Variants in ZNF410 observed in about 807,000 individuals in gnomAD.
ZNF410 encodes zinc finger protein 410, also known as another partner for ARF 1.
ZNF410 carries 18 observed loss-of-function variants against 54.8 expected under a neutral mutation model. That is an observed-to-expected ratio of 0.33 (90% CI 0.23 to 0.49). The LOEUF (loss-of-function observed/expected upper bound fraction) is 0.49, where lower values mean the gene tolerates loss of function less well. ZNF410 is among the 20% of genes least tolerant of loss of function. ZNF410 has a pLI of 0.99. For synonymous variants in ZNF410, 191 were observed against 207.3 expected (o/e 0.92, Z 0.68); for missense variants, 405 against 569.6 (o/e 0.71, Z 2.94).
At chr14:73,907,488 G>A (rs1281241274) in intron 7 of ZNF410, among the ~76,000 whole-genome samples, 3 of 152,078 alleles carry the variant, frequency 2.0e-5, no homozygotes, top group African/African-American at 4.8e-5. Context: ...CCAGTTACTC[G>A]GGAGGCTGAG....
chr14:73,927,172 A>T (rs1357434569), intron 11 of ZNF410: 4 of 258,572 alleles, frequency 1.5e-5, no homozygotes, highest in Middle Eastern at 2.8e-3. Context: ...TGCAACCTCT[A>T]CCTCCCGAAT....
intron 4 of ZNF410, among the ~76,000 whole-genome samples, chr14:73,896,979 G>A (rs1222008001): frequency 6.6e-6 from 1 of 152,124 alleles, no homozygotes; most frequent in Non-Finnish European, 1.5e-5. Flanking sequence ...AGAAAAGAAG[G>A]CAAGTCTGGG....
intron 8 of ZNF410, among the ~76,000 whole-genome samples, chr14:73,917,285 C>A (rs1347588124): frequency 6.6e-6 from 1 of 152,068 alleles, no homozygotes; most frequent in African/African-American, 2.4e-5. Context: ...TTTAAATACC[C>A]TTTAAATCAT....
At chr14:73,923,313 T>A (rs1271995623) in intron 10 of ZNF410, 82 bp from the exon 11 acceptor site, 5 of 1,468,716 alleles carry the variant, frequency 3.4e-6, no homozygotes, top group Non-Finnish European at 3.7e-6. Flanking sequence ...AGTTTTAGAG[T>A]TGTTAATGAG....
intron 8 of ZNF410, among the ~76,000 whole-genome samples, chr14:73,910,495 A>G (rs976027077): frequency 1.3e-5 from 2 of 152,026 alleles, no homozygotes; most frequent in African/African-American, 2.4e-5. Context: ...TGTAATCCCA[A>G]CACTTTGGGA....
At chr14:73,919,687 A>G (rs966868404) in intron 8 of ZNF410, among the ~76,000 whole-genome samples, 6 of 152,228 alleles carry the variant, frequency 3.9e-5, no homozygotes, top group Middle Eastern at 3.4e-3. Context: ...CGTATTTACC[A>G]TTGATGGGCA....
intron 8 of ZNF410, chr14:73,913,447 T>A (rs190887388): frequency 2.0e-5 from 3 of 152,358 alleles, no homozygotes; most frequent in East Asian, 3.9e-4. Context: ...CTCCTTTCCC[T>A]GGCTTCTTAA....
intron 5 of ZNF410, among the ~76,000 whole-genome samples, chr14:73,901,155 A>G (rs1295019942): frequency 2.0e-5 from 3 of 152,254 alleles, no homozygotes; most frequent in Non-Finnish European, 4.4e-5. Context: ...CAGATCAGCA[A>G]AGGCCTTTGG....
intron 11 of ZNF410, chr14:73,927,230 C>A: frequency 4.4e-6 from 1 of 229,246 alleles, no homozygotes; most frequent in South Asian, 3.8e-5. Flanking sequence ...GGACCACAGG[C>A]AGGTGCCACC....
chr14:73,895,842 G>A lies in ZNF410; in HGVS notation c.170-474G>A, dbSNP rs1341271852. Among the ~76,000 whole-genome samples the A allele has an allele frequency of 2.0e-5, 3 of 152,236 alleles. No homozygotes were observed. The East Asian group carries it at 5.8e-4, about 29-fold the overall frequency. On this transcript the variant is annotated intron_variant, in intron 3 of 11. Coordinates refer to ENST00000555044, the MANE Select transcript of ZNF410 (RefSeq NM_021188.3). ...GTGTGGTGGCACAGAAAAAATAACC[G>A]CAGCCTGAGATACAACCATAGGTAA...
chr14:73,902,539 A>G (rs2055424302), intron 5 of ZNF410, among the ~76,000 whole-genome samples: 1 of 152,182 alleles, frequency 6.6e-6, no homozygotes, highest in Non-Finnish European at 1.5e-5. Context: ...AATAGATGGG[A>G]CAGAAACTGC....
chr14:73,912,839 A>G (rs981563666), intron 8 of ZNF410, among the ~76,000 whole-genome samples: 5 of 149,514 alleles, frequency 3.3e-5, no homozygotes, highest in African/African-American at 1.2e-4. Context: ...TGATCTTGCA[A>G]CCTTGGTAAA....
intron 5 of ZNF410, among the ~76,000 whole-genome samples, chr14:73,898,735 A>C (rs1376661083): frequency 6.6e-6 from 1 of 152,266 alleles, no homozygotes; most frequent in African/African-American, 2.4e-5. Context: ...ATTGCTGCTC[A>C]TGGCAGTTTA....
At chr14:73,920,892 A>C in intron 8 of ZNF410, 88 bp from the exon 9 acceptor site, 1 of 1,546,584 alleles carries the variant, frequency 6.5e-7, no homozygotes, top group South Asian at 1.2e-5. Context: ...TGTTCAGTTT[A>C]ACATTCTCTG....
At position 73,896,669 on chromosome 14, in the gene ZNF410, G is replaced by C. The variant is rs533310134; in HGVS notation, c.388+135G>C. 10 of 722,320 alleles carry C rather than the reference G, an allele frequency of 1.4e-5. No individual in the cohort carries two copies. The South Asian group carries it at 1.9e-4, about 14-fold the overall frequency. 44.7% of individuals were successfully genotyped at this position (722,320 alleles called of 1,614,324 possible). A position where few individuals can be genotyped will look rare whatever the true frequency, so the allele number is the denominator to read the frequency against. ...ATTTTGGAGAATTGGTGTGTCTGGT[G>C]ACCATTTGAATATGTAGAGGGAGAG... On this transcript the variant is annotated intron_variant, in intron 4 of 11. Transcript: ENST00000555044.
intron 1 of ZNF410, among the ~76,000 whole-genome samples, chr14:73,891,244 C>T (rs1463733090): frequency 6.6e-6 from 1 of 152,102 alleles, no homozygotes; most frequent in East Asian, 1.9e-4. Context: ...TTTACTTTTT[C>T]TGATGCTTAT....
At chr14:73,892,952 G>A (rs2055255040) in intron 2 of ZNF410, among the ~76,000 whole-genome samples, 1 of 152,042 alleles carries the variant, frequency 6.6e-6, no homozygotes, top group Non-Finnish European at 1.5e-5. Context: ...CGTGGTGGCG[G>A]GCACCTGTAG....
intron 5 of ZNF410, among the ~76,000 whole-genome samples, chr14:73,901,753 C>T (rs1441835428): frequency 4.7e-5 from 7 of 150,236 alleles, no homozygotes; most frequent in Non-Finnish European, 8.9e-5. Context: ...GGCAAAACCC[C>T]ATCTCTACAA....
chr14:73,894,456 C>G, intron 3 of ZNF410: 1 of 692,596 alleles, frequency 1.4e-6, no homozygotes, highest in South Asian at 1.5e-5. Context: ...GAGTGTCACT[C>G]TGTCGCCCAG....
Sources: gnomAD v4.1 joint callset for allele counts (sites outside exome capture counted in the v4.1 genomes callset) on GRCh38, gnomAD v4.1.1 for gene constraint, MANE v1.5 for transcripts, NCBI Gene and HGNC (gene_info 2026-07-23, HGNC 2026-07-21) for gene names.